LCORL: variants seen among roughly 807,000 people sequenced by gnomAD.
The protein encoded by LCORL is ligand dependent nuclear receptor corepressor like.
In LCORL, 41 loss-of-function variants were observed where a neutral mutation model predicts 141.8. The ratio of observed to expected loss-of-function variants is 0.29; its 90% confidence interval spans 0.23 to 0.38. The LOEUF (loss-of-function observed/expected upper bound fraction) is 0.38, where lower values mean the gene tolerates loss of function less well. Ranked by LOEUF, LCORL falls within the 10% of genes least tolerant of loss-of-function variation. The probability of loss-of-function intolerance (pLI) is 1.00; values close to 1 mark genes in which losing one functional copy is unlikely to be tolerated. For missense variants in LCORL, 1,759 were observed against 2,035.0 expected (o/e 0.86, Z 2.61); for synonymous variants, 618 against 694.1 (o/e 0.89, Z 1.72).
intron 1 of LCORL, among the ~76,000 whole-genome samples, chr4:17,999,620 A>G (rs952302143): frequency 2.0e-5 from 3 of 152,216 alleles, no homozygotes; most frequent in Admixed American, 1.3e-4. Flanking sequence ...AGAGCAATCA[A>G]TTTTTAAGGC....
At position 18,004,020 on chromosome 4, in the gene LCORL, G is replaced by A. The variant is rs768974832; in HGVS notation, c.154+17578C>T. Reference sequence around the variant, plus strand: ...CAAAGGTGCTACATGCATTCCTGCAGCAGAAACACAAGAGCTTTTGAACCA... The same window carrying A: ...CAAAGGTGCTACATGCATTCCTGCAACAGAAACACAAGAGCTTTTGAACCA... On this transcript the variant is annotated intron_variant, in intron 1 of 7. Coordinates refer to ENST00000635767, the Ensembl canonical transcript of LCORL. Among the ~76,000 whole-genome samples the A allele has an allele frequency of 2.6e-4, 40 of 152,188 alleles. 1 individual carries two copies. Among genetic ancestry groups the A allele is most frequent in the Non-Finnish European group, 4.9e-4 (33 of 68,040 alleles).
chr4:17,992,906 A>G (rs1344443966), intron 1 of LCORL, among the ~76,000 whole-genome samples: 1 of 152,244 alleles, frequency 6.6e-6, no homozygotes, highest in Non-Finnish European at 1.5e-5. Context: ...AAAGACATTA[A>G]GACAAAAAGT....
chr4:18,013,967 C>T (rs144253789), intron 1 of LCORL, among the ~76,000 whole-genome samples: 2,523 of 152,076 alleles, frequency 0.017, 31 homozygotes, highest in Admixed American at 0.027. Context: ...GCCACCATGC[C>T]CAGCTAATTT....
chr4:17,850,695 T>C (rs1433969274), intron 7 of LCORL, among the ~76,000 whole-genome samples: 3 of 150,382 alleles, frequency 2.0e-5, no homozygotes, highest in Non-Finnish European at 4.5e-5. Context: ...GTAAACTAGT[T>C]CAACCATTGT....
At chr4:17,861,600 T>C (rs951495734) in intron 7 of LCORL, among the ~76,000 whole-genome samples, 4 of 152,208 alleles carry the variant, frequency 2.6e-5, no homozygotes, top group Admixed American at 1.3e-4. Flanking sequence ...TCATTAGTTA[T>C]GCAAATTTCT....
At chr4:17,945,277 T>C (rs917277281) in intron 4 of LCORL, among the ~76,000 whole-genome samples, 3 of 152,090 alleles carry the variant, frequency 2.0e-5, no homozygotes, top group African/African-American at 7.2e-5. Context: ...ATTTAAAAGA[T>C]GATAATCTTT....
intron 4 of LCORL, among the ~76,000 whole-genome samples, chr4:17,910,142 A>G (rs1352355625): frequency 2.0e-5 from 3 of 152,208 alleles, no homozygotes; most frequent in African/African-American, 7.2e-5. Flanking sequence ...AACAGTAATA[A>G]TACAACTCTG....
intron 4 of LCORL, among the ~76,000 whole-genome samples, chr4:17,950,986 G>C (rs6449349): frequency 0.24 from 36,163 of 151,972 alleles, 5,479 homozygotes; most frequent in African/African-American, 0.43. Context: ...CATCCAGTTG[G>C]TTTGTCTATG....
chr4:17,988,409 C>T (rs978343748), intron 1 of LCORL, among the ~76,000 whole-genome samples: 11 of 152,092 alleles, frequency 7.2e-5, no homozygotes, highest in African/African-American at 2.7e-4. Flanking sequence ...GTAGCCAGGA[C>T]CACAGGCATG....
chr4:17,873,241 C>G lies in LCORL; in HGVS notation c.5602+147G>C. Reference sequence around the variant, plus strand: ...GTACATTTAGCAGCACCTAATTTCACGAGTTTCATACTAGGTGCCAAGAAA... The same window carrying G: ...GTACATTTAGCAGCACCTAATTTCAGGAGTTTCATACTAGGTGCCAAGAAA... On this transcript the variant is annotated intron_variant, in intron 7 of 7. Coordinates refer to ENST00000635767, the Ensembl canonical transcript of LCORL. 6.7e-6 allele frequency: 3 copies of G among 444,882 alleles called. No homozygotes were observed. In the East Asian group the frequency reaches 1.1e-4, roughly 16 times the overall value. The allele number at this position is 444,882 out of a possible 1,614,324, so 27.6% of individuals were successfully genotyped here. A position where few individuals can be genotyped will look rare whatever the true frequency, so the allele number is the denominator to read the frequency against.
Position 17,899,932 on chromosome 4 carries a change from GAT to G in LCORL, c.682+9160_682+9161del, listed in dbSNP as rs1378224207. 2.0e-5 allele frequency among the ~76,000 whole-genome samples: 3 copies of G among 152,100 alleles called. No individual in the cohort carries two copies. In the East Asian group the frequency reaches 5.8e-4, roughly 29 times the overall value. ...GTTTAGCCTTGGGCCCCATCCACAA[GAT>G]ATCTTACTATGTACATGCAAATATT... On this transcript the variant is annotated intron_variant, in intron 5 of 7. Transcript: ENST00000635767.
chr4:17,850,116 A>T (rs1161628449), intron 7 of LCORL, among the ~76,000 whole-genome samples: 1 of 147,678 alleles, frequency 6.8e-6, no homozygotes, highest in African/African-American at 2.5e-5. Flanking sequence ...CTTACACCTT[A>T]TACAAAAATC....
chr4:17,931,136 C>G (rs1025319832), intron 4 of LCORL, among the ~76,000 whole-genome samples: 3 of 151,986 alleles, frequency 2.0e-5, no homozygotes, highest in Admixed American at 6.6e-5. Context: ...TTCTCTGTTT[C>G]AATAGTTGTT....
intron 4 of LCORL, among the ~76,000 whole-genome samples, chr4:17,916,667 T>TA (rs1553867948): frequency 4.9e-5 from 7 of 144,182 alleles, no homozygotes; most frequent in African/African-American, 1.4e-4. Context: ...TTTTTTTTTT[T>TA]AGATAGTGTC....
intron 2 of LCORL, among the ~76,000 whole-genome samples, chr4:17,968,048 G>C (rs1715253891): frequency 2.0e-5 from 3 of 151,878 alleles, no homozygotes. Flanking sequence ...AGTAGAGATG[G>C]GGTTTCACCA....
intron 5 of LCORL, among the ~76,000 whole-genome samples, chr4:17,902,882 TACTC>T (rs1410237428): frequency 6.6e-6 from 1 of 152,110 alleles, no homozygotes; most frequent in African/African-American, 2.4e-5. Context: ...AAAAAAATCT[TACTC>T]ATCTCTTGCT....
chr4:17,993,151 A>C (rs1720326044), intron 1 of LCORL, among the ~76,000 whole-genome samples: 2 of 152,218 alleles, frequency 1.3e-5, no homozygotes. Context: ...AATGACAGAA[A>C]CATTCTGAAT....
At chr4:17,992,032 A>C (rs1292911870) in intron 1 of LCORL, among the ~76,000 whole-genome samples, 2 of 152,186 alleles carry the variant, frequency 1.3e-5, no homozygotes, top group East Asian at 3.9e-4. Context: ...TAAACTTCAG[A>C]GTACGTACCA....
intron 7 of LCORL, 44 bp downstream of exon 7, chr4:17,873,344 G>C: frequency 8.7e-7 from 1 of 1,150,108 alleles, no homozygotes; most frequent in Non-Finnish European, 1.1e-6. Flanking sequence ...CTTTACTCAA[G>C]GCACCTACAA....
Sources: gnomAD v4.1 joint callset for allele counts (sites outside exome capture counted in the v4.1 genomes callset) on GRCh38, gnomAD v4.1.1 for gene constraint, MANE v1.5 for transcripts, NCBI Gene and HGNC (gene_info 2026-07-23, HGNC 2026-07-21) for gene names.